Variants in MTA3 observed in about 807,000 individuals in gnomAD.
MTA3 encodes metastasis-associated protein MTA3.
A neutral mutation model predicts 83.5 loss-of-function variants in MTA3; 34 were observed. The ratio of observed to expected loss-of-function variants is 0.41; its 90% CI spans 0.31 to 0.54. MTA3 has a LOEUF of 0.54. MTA3 is among the 20% of genes least tolerant of loss of function. MTA3 has a pLI of 0.33. For missense variants in MTA3, 761 were observed against 726.4 expected (o/e 1.05, Z -0.55); for synonymous variants, 303 against 252.7 (o/e 1.20, Z -1.89).
At chr2:42,654,948 A>G (rs1053224606) in intron 6 of MTA3, among the ~76,000 whole-genome samples, 3 of 148,964 alleles carry the variant, frequency 2.0e-5, no homozygotes, top group African/African-American at 7.4e-5. Flanking sequence ...CGCTGTGAGT[A>G]CAGCTCACAA....
intron 8 of MTA3, among the ~76,000 whole-genome samples, chr2:42,671,391 T>G: frequency 6.6e-6 from 1 of 152,168 alleles, no homozygotes; most frequent in Admixed American, 6.5e-5. Context: ...TTGCCTGAGG[T>G]TTCTTTATTA....
intron 3 of MTA3, among the ~76,000 whole-genome samples, chr2:42,594,683 CATATATACATATATAAATATACATAT>C (rs1290258779): frequency 2.0e-5 from 2 of 102,382 alleles, no homozygotes; most frequent in East Asian, 2.5e-4. Context: ...TATAAATATA[CATATATACATATATAAATATACATAT>C]ATATATATAT....
At chr2:42,691,218 G>A (rs1558586838) in intron 9 of MTA3, among the ~76,000 whole-genome samples, 2 of 151,926 alleles carry the variant, frequency 1.3e-5, no homozygotes, top group Non-Finnish European at 2.9e-5. Context: ...CACCATGTTG[G>A]CCAGGATGGG....
intron 4 of MTA3, among the ~76,000 whole-genome samples, chr2:42,617,920 T>C (rs1685099887): frequency 6.6e-6 from 1 of 152,028 alleles, no homozygotes; most frequent in Non-Finnish European, 1.5e-5. Context: ...GATAGAAATC[T>C]GCTGAAAACA....
intron 3 of MTA3, 115 bp from the exon 4 acceptor site, chr2:42,609,343 T>G: frequency 1.7e-6 from 2 of 1,186,328 alleles, no homozygotes; most frequent in Non-Finnish European, 2.3e-6. Context: ...ATGTTTAAAT[T>G]TAAAATTGAT....
intron 3 of MTA3, among the ~76,000 whole-genome samples, chr2:42,596,076 A>G (rs1349962527): frequency 1.3e-5 from 2 of 152,226 alleles, no homozygotes; most frequent in Non-Finnish European, 1.5e-5. Flanking sequence ...TCTTATTTCT[A>G]ATTTTGTACT....
chr2:42,628,082 C>G (rs1418220666), intron 4 of MTA3, among the ~76,000 whole-genome samples: 3 of 151,976 alleles, frequency 2.0e-5, no homozygotes, highest in Admixed American at 1.3e-4. Flanking sequence ...CCAGGTTTCA[C>G]CATGTTGGCC....
intron 16 of MTA3, among the ~76,000 whole-genome samples, chr2:42,734,382 AT>A (rs58267129): frequency 0.57 from 79,181 of 138,302 alleles, 22,079 homozygotes; most frequent in East Asian, 0.69. Context: ...TTTGCATGGA[AT>A]TTTTTTTTTT....
chr2:42,550,178 T>C (rs1677048445), intron 2 of MTA3, among the ~76,000 whole-genome samples: 3 of 152,164 alleles, frequency 2.0e-5, no homozygotes. Flanking sequence ...ATCTTATAGC[T>C]ATGAAATTGT....
chr2:42,727,039 G>C (rs1435648738), intron 16 of MTA3, among the ~76,000 whole-genome samples: 1 of 152,064 alleles, frequency 6.6e-6, no homozygotes, highest in Non-Finnish European at 1.5e-5. Context: ...AAAAGTTTTT[G>C]TTTTAAATTA....
intron 9 of MTA3, among the ~76,000 whole-genome samples, chr2:42,687,321 T>A (rs896738391): frequency 3.3e-5 from 5 of 152,234 alleles, no homozygotes; most frequent in African/African-American, 1.2e-4. Context: ...TGTAACTTTT[T>A]AATTTTGGTT....
At chr2:42,496,567 A>G (rs1027130221) in intron 2 of MTA3, among the ~76,000 whole-genome samples, 2 of 149,680 alleles carry the variant, frequency 1.3e-5, no homozygotes, top group Non-Finnish European at 3.0e-5. Context: ...AGAATTTTAG[A>G]GTTTGAAAGA....
chr2:42,522,733 T>C (rs1423588937), intron 2 of MTA3, among the ~76,000 whole-genome samples: 4 of 150,414 alleles, frequency 2.7e-5, no homozygotes, highest in African/African-American at 9.8e-5. Context: ...AGAGAGACCC[T>C]GTCTCAGAAA....
At chr2:42,569,938 C>G (rs77330409) in intron 1 of MTA3, 17,185 of 151,992 alleles carry the variant, frequency 0.11, 1,122 homozygotes, top group South Asian at 0.16. Flanking sequence ...TCCTCTTAAC[C>G]TGTTCTGCTC....
chr2:42,701,953 G>T (rs1270179920), intron 11 of MTA3, among the ~76,000 whole-genome samples: 2 of 151,460 alleles, frequency 1.3e-5, no homozygotes, highest in African/African-American at 4.9e-5. Flanking sequence ...GCTCACGCCT[G>T]TAATCCCAGC....
At chr2:42,685,950 G>A (rs1478522219) in intron 9 of MTA3, among the ~76,000 whole-genome samples, 2 of 152,134 alleles carry the variant, frequency 1.3e-5, no homozygotes, top group Non-Finnish European at 2.9e-5. Context: ...GATGTTGTTG[G>A]GGCAATGTAT....
At position 42,546,354 on chromosome 2, in the gene MTA3, G is replaced by A. The variant is rs115104939; in HGVS notation, c.-140-24083G>A. Among the ~76,000 whole-genome samples the A allele has an allele frequency of 7.1e-3, 1,080 of 152,182 alleles. 8 individuals are homozygous for A. Among genetic ancestry groups the A allele is most frequent in the African/African-American group, 0.025 (1,031 of 41,504 alleles). On this transcript the variant is annotated intron_variant, in intron 2 of 17. Coordinates refer to the MTA3 transcript ENST00000405592. ...GCCTGTGTAGGATGCTGGCAATCTC[G>A]GTTCCAGAATTAGGATGTCCTTGTC...
intron 16 of MTA3, among the ~76,000 whole-genome samples, chr2:42,746,712 A>C (rs531211660): frequency 1.3e-5 from 2 of 152,236 alleles, no homozygotes; most frequent in Non-Finnish European, 2.9e-5. Flanking sequence ...TTACCTGTCT[A>C]TTATGAAGGA....
chr2:42,736,054 T>G (rs1668587666), intron 16 of MTA3, among the ~76,000 whole-genome samples: 1 of 152,134 alleles, frequency 6.6e-6, no homozygotes, highest in African/African-American at 2.4e-5. Flanking sequence ...TCTTCACAGT[T>G]TGGGCTTGTT....
Sources: allele counts gnomAD v4.1 joint callset (sites outside exome capture counted in the v4.1 genomes callset), GRCh38; gene constraint gnomAD v4.1.1; transcripts MANE v1.5; gene names NCBI Gene and HGNC (gene_info 2026-07-23, HGNC 2026-07-21).